CFAP299: variants seen among roughly 807,000 people sequenced by gnomAD.
CFAP299 encodes cilia- and flagella-associated protein 299.
Under a neutral mutation model 27.0 loss-of-function variants are expected in CFAP299, and 21 were observed. The ratio of observed to expected loss-of-function variants is 0.78; its 90% CI spans 0.55 to 1.12. CFAP299 has a LOEUF of 1.12. Ranked by LOEUF, CFAP299 falls within the 50% of genes most tolerant of loss-of-function variation. The pLI, the probability that CFAP299 is intolerant of heterozygous loss-of-function variation, is 0.00. For missense variants in CFAP299, 310 were observed against 276.6 expected, an observed-to-expected ratio of 1.12 and a Z score of -0.86; for synonymous variants, 104 against 98.1, an observed-to-expected ratio of 1.06 and a Z score of -0.36.
At chr4:80,716,444 G>T (rs555544951) in intron 3 of CFAP299, among the ~76,000 whole-genome samples, 179 of 151,024 alleles carry the variant, frequency 1.2e-3, no homozygotes, top group African/African-American at 4.1e-3. Flanking sequence ...AGATCAATTT[G>T]GGCTTCAGTT....
At chr4:80,532,796 A>C (rs979755873) in intron 2 of CFAP299, among the ~76,000 whole-genome samples, 2 of 152,250 alleles carry the variant, frequency 1.3e-5, no homozygotes, top group African/African-American at 2.4e-5. Context: ...ATTAAATTTC[A>C]GTTGCAGACA....
chr4:80,958,341 G>A (rs1000619230), intron 5 of CFAP299, among the ~76,000 whole-genome samples: 13 of 152,206 alleles, frequency 8.5e-5, no homozygotes, highest in Middle Eastern at 3.4e-3. Context: ...ATGACATTAC[G>A]GGGAAGGCTT....
intron 4 of CFAP299, among the ~76,000 whole-genome samples, chr4:80,904,410 G>A (rs557138938): frequency 6.6e-6 from 1 of 152,124 alleles, no homozygotes; most frequent in African/African-American, 2.4e-5. Context: ...TAGTCAGATT[G>A]GCAGTTGGGA....
At position 80,679,383 on chromosome 4, in the gene CFAP299, A is replaced by G. The variant is rs138504889; in HGVS notation, c.333+96200A>G. ...TATTACAAATAAAAATGCTATAATT[A>G]TATGTGTTTATTTGTTTGCATGAAC... On this transcript the variant is annotated intron_variant, in intron 3 of 5. Coordinates refer to ENST00000358105, the MANE Select transcript of CFAP299 (RefSeq NM_152770.3). Among the ~76,000 whole-genome samples the G allele has an allele frequency of 8.5e-3, 1,290 of 152,100 alleles. 12 individuals carry two copies. The highest frequency in any genetic ancestry group is 0.029 in the African/African-American group (1,215 of 41,508).
intron 2 of CFAP299, among the ~76,000 whole-genome samples, chr4:80,480,504 T>G (rs1730510571): frequency 6.6e-6 from 1 of 151,998 alleles, no homozygotes; most frequent in African/African-American, 2.4e-5. Context: ...TACTTCTGAT[T>G]GGTTGAGTTT....
intron 2 of CFAP299, among the ~76,000 whole-genome samples, chr4:80,501,665 G>T (rs1290199710): frequency 6.6e-6 from 1 of 151,036 alleles, no homozygotes; most frequent in Admixed American, 6.6e-5. Context: ...CTAAGAATTT[G>T]CTCAACAGTT....
chr4:80,386,770 G>T, intron 2 of CFAP299: 1 of 1,351,712 alleles, frequency 7.4e-7, no homozygotes, highest in Non-Finnish European at 1.1e-6. Context: ...CCGGCCGGTT[G>T]AACAACTTAC....
At chr4:80,895,390 A>G (rs1316286430) in intron 4 of CFAP299, among the ~76,000 whole-genome samples, 1 of 151,986 alleles carries the variant, frequency 6.6e-6, no homozygotes, top group Non-Finnish European at 1.5e-5. Context: ...ACCACTTTAA[A>G]GGCATTTGGG....
At chr4:80,578,219 T>C (rs1735970451) in intron 2 of CFAP299, among the ~76,000 whole-genome samples, 1 of 152,202 alleles carries the variant, frequency 6.6e-6, no homozygotes, top group African/African-American at 2.4e-5. Context: ...TTTTGTAATA[T>C]TTATTTAAGC....
intron 3 of CFAP299, among the ~76,000 whole-genome samples, chr4:80,707,741 A>C (rs993915188): frequency 3.4e-4 from 52 of 152,086 alleles, no homozygotes; most frequent in African/African-American, 1.2e-3. Flanking sequence ...AATCAATTCT[A>C]GCGTACCAAA....
intron 2 of CFAP299, among the ~76,000 whole-genome samples, chr4:80,527,448 T>C (rs774805769): frequency 7.2e-5 from 11 of 152,118 alleles, no homozygotes; most frequent in Non-Finnish European, 1.3e-4. Context: ...TGGGACCTTA[T>C]TAATCTTTCT....
At chr4:80,782,211 G>C (rs1298581818) in intron 3 of CFAP299, among the ~76,000 whole-genome samples, 1 of 151,794 alleles carries the variant, frequency 6.6e-6, no homozygotes. Flanking sequence ...TTTTCCACCA[G>C]ATTGGAACCT....
At chr4:80,567,925 A>G (rs6535016) in intron 2 of CFAP299, among the ~76,000 whole-genome samples, 44,676 of 151,450 alleles carry the variant, frequency 0.29, 9,824 homozygotes, top group African/African-American at 0.61. Context: ...GTATATTTGA[A>G]TCAATTAAAA....
intron 4 of CFAP299, among the ~76,000 whole-genome samples, chr4:80,913,129 C>T (rs1167138205): frequency 6.6e-6 from 1 of 152,158 alleles, no homozygotes; most frequent in African/African-American, 2.4e-5. Flanking sequence ...AAGGACATTA[C>T]TGTCAGAAAG....
chr4:80,879,630 A>T (rs1733589824), intron 4 of CFAP299, among the ~76,000 whole-genome samples: 1 of 152,078 alleles, frequency 6.6e-6, no homozygotes, highest in African/African-American at 2.4e-5. Flanking sequence ...TTTATGTTTA[A>T]TTTTTATTTA....
chr4:80,459,407 A>T (rs756951747), intron 2 of CFAP299, among the ~76,000 whole-genome samples: 2 of 152,204 alleles, frequency 1.3e-5, no homozygotes, highest in African/African-American at 2.4e-5. Context: ...GTATGCCAAC[A>T]TGTAAAACCT....
At chr4:80,521,973 T>A (rs1466302924) in intron 2 of CFAP299, among the ~76,000 whole-genome samples, 1 of 152,062 alleles carries the variant, frequency 6.6e-6, no homozygotes, top group Non-Finnish European at 1.5e-5. Context: ...AATTGTTTTT[T>A]GAAAATACAA....
intron 3 of CFAP299, among the ~76,000 whole-genome samples, chr4:80,700,021 G>A (rs1160918569): frequency 1.3e-5 from 2 of 152,116 alleles, no homozygotes; most frequent in Non-Finnish European, 2.9e-5. Context: ...ATAATGTGAA[G>A]AGATCTATTT....
At chr4:80,535,815 T>A (rs986713541) in intron 2 of CFAP299, among the ~76,000 whole-genome samples, 4 of 152,180 alleles carry the variant, frequency 2.6e-5, no homozygotes, top group Non-Finnish European at 4.4e-5. Context: ...AATAGCATGG[T>A]GTAATTATTT....
Sources: allele counts gnomAD v4.1 joint callset (sites outside exome capture counted in the v4.1 genomes callset), GRCh38; gene constraint gnomAD v4.1.1; transcripts MANE v1.5; gene names NCBI Gene and HGNC (gene_info 2026-07-23, HGNC 2026-07-21).